The following APP variants were observed in gnomAD, a reference collection of about 807,000 sequenced individuals.
The protein encoded by APP is amyloid-beta precursor protein.
A neutral mutation model predicts 101.4 loss-of-function variants in APP; 31 were observed. The ratio of observed to expected loss-of-function variants is 0.31; its 90% confidence interval spans 0.23 to 0.41. The LOEUF (loss-of-function observed/expected upper bound fraction) is 0.41, where lower values mean the gene tolerates loss of function less well. APP is among the 10% of genes least tolerant of loss of function. APP has a pLI of 1.00. For synonymous variants in APP, 366 were observed against 364.4 expected (o/e 1.00, Z -0.05); for missense variants, 839 against 1,003.7 (o/e 0.84, Z 2.22).
chr21:26,077,068 A>T (rs1276540482), intron 3 of APP, among the ~76,000 whole-genome samples: 1 of 151,738 alleles, frequency 6.6e-6, no homozygotes, highest in African/African-American at 2.4e-5. Context: ...GTCTCAAAAA[A>T]AAAAAAAAAA....
At chr21:25,921,553 G>A (rs1370224914) in intron 13 of APP, among the ~76,000 whole-genome samples, 13 of 147,012 alleles carry the variant, frequency 8.8e-5, no homozygotes, top group East Asian at 6.1e-4. Flanking sequence ...TATCACCACC[G>A]ATCCCACAGA....
chr21:25,944,713 C>T (rs1254781985), intron 13 of APP, among the ~76,000 whole-genome samples: 1 of 152,000 alleles, frequency 6.6e-6, no homozygotes, highest in Non-Finnish European at 1.5e-5. Context: ...ATTTTTTTCC[C>T]CTCCTCTTTT....
chr21:26,043,840 C>T (rs1315565055), intron 5 of APP, among the ~76,000 whole-genome samples: 4 of 76 alleles, frequency 0.053, no homozygotes, highest in African/African-American at 0.12. Context: ...GGCTGATATT[C>T]TCACTTTATC....
intron 6 of APP, among the ~76,000 whole-genome samples, chr21:26,008,965 T>TC (rs370072704): frequency 1 from 152,316 of 152,318 alleles, 76,157 homozygotes; most frequent in Middle Eastern, 1. Context: ...CAAAATAGGA[T>TC]CATGGACCAG....
At chr21:25,901,522 T>TAGTC (rs1161734369) in intron 15 of APP, among the ~76,000 whole-genome samples, 4 of 152,208 alleles carry the variant, frequency 2.6e-5, no homozygotes, top group African/African-American at 9.6e-5. Flanking sequence ...TTAGCATGAA[T>TAGTC]AGTCATCTAG....
chr21:26,152,414 A>C (rs936636199), intron 1 of APP, among the ~76,000 whole-genome samples: 1 of 152,016 alleles, frequency 6.6e-6, no homozygotes. Context: ...AGTTTCCCTA[A>C]ACAGATTTAC....
chr21:26,032,414 A>G (rs2044870891), intron 5 of APP, among the ~76,000 whole-genome samples: 2 of 152,106 alleles, frequency 1.3e-5, no homozygotes, highest in South Asian at 4.1e-4. Context: ...GATCCTAGAG[A>G]GAAGGTCTAG....
chr21:26,074,522 G>A (rs62222436), intron 3 of APP, among the ~76,000 whole-genome samples: 2 of 152,302 alleles, frequency 1.3e-5, no homozygotes, highest in African/African-American at 2.4e-5. Context: ...AGGCCGAGGC[G>A]GGCAGATCTG....
At chr21:26,056,092 A>G (rs538822138) in intron 3 of APP, among the ~76,000 whole-genome samples, 1 of 152,214 alleles carries the variant, frequency 6.6e-6, no homozygotes, top group Non-Finnish European at 1.5e-5. Flanking sequence ...GCTGGAATGT[A>G]GTGGTTGGAT....
intron 17 of APP, among the ~76,000 whole-genome samples, chr21:25,884,815 C>T (rs1004117597): frequency 7.2e-5 from 11 of 152,220 alleles, no homozygotes; most frequent in African/African-American, 2.4e-4. Context: ...CCAGGAGGCA[C>T]ATCTACCATC....
chr21:25,935,941 T>A (rs6516714), intron 13 of APP, among the ~76,000 whole-genome samples: 1 of 151,878 alleles, frequency 6.6e-6, no homozygotes, highest in Admixed American at 6.6e-5. Flanking sequence ...AAGGCCGAGT[T>A]TAGGCTGCCA....
At chr21:26,118,423 C>A (rs1424021251) in intron 1 of APP, among the ~76,000 whole-genome samples, 1 of 152,158 alleles carries the variant, frequency 6.6e-6, no homozygotes, top group Non-Finnish European at 1.5e-5. Flanking sequence ...CTTTTAACTT[C>A]ATATATATAC....
chr21:25,931,102 T>C (rs1007652243), intron 13 of APP, among the ~76,000 whole-genome samples: 15 of 152,220 alleles, frequency 9.9e-5, no homozygotes, highest in Admixed American at 7.2e-4. Flanking sequence ...ACTTCATCAA[T>C]TTCTTTTCAC....
At chr21:26,048,825 TAAG>T (rs2045719811) in intron 5 of APP, among the ~76,000 whole-genome samples, 1 of 152,144 alleles carries the variant, frequency 6.6e-6, no homozygotes, top group East Asian at 1.9e-4. Flanking sequence ...TGACGGGTCA[TAAG>T]AAGTGGCACT....
At chr21:26,023,854 T>C (rs1216667748) in intron 5 of APP, among the ~76,000 whole-genome samples, 3 of 152,204 alleles carry the variant, frequency 2.0e-5, no homozygotes, top group Admixed American at 2.0e-4. Flanking sequence ...GGGGAAAATA[T>C]TCTGAGATCC....
At chr21:25,891,483 C>A (rs571004668) in intron 17 of APP, among the ~76,000 whole-genome samples, 5 of 151,990 alleles carry the variant, frequency 3.3e-5, no homozygotes, top group African/African-American at 1.2e-4. Flanking sequence ...TTGATAACTT[C>A]AACACAAATT....
chr21:26,152,871 T>C (rs2063306623), intron 1 of APP, among the ~76,000 whole-genome samples: 1 of 152,154 alleles, frequency 6.6e-6, no homozygotes, highest in African/African-American at 2.4e-5. Flanking sequence ...AATTCACAAA[T>C]GCAAAGATGC....
At position 26,137,404 on chromosome 21, in the gene APP, T is replaced by A. The variant is rs528814379; in HGVS notation, c.58-25258A>T. On this transcript the variant is annotated intron_variant, in intron 1 of 17. Transcript: ENST00000346798. ...ATGAAAAGGGTTACTGCCCTTTTTT[T>A]AAACCTAAGTAAAAACCCATACCCT... 5.9e-5 allele frequency among the ~76,000 whole-genome samples: 9 copies of A among 152,336 alleles called. No individual in the cohort carries two copies. In the South Asian group the frequency reaches 1.9e-3, roughly 32 times the overall value.
intron 2 of APP, among the ~76,000 whole-genome samples, chr21:26,094,483 C>T (rs1021807418): frequency 1.3e-5 from 2 of 151,566 alleles, no homozygotes; most frequent in Non-Finnish European, 2.9e-5. Context: ...CCAATATCAT[C>T]CCTAGGTTTT....
Sources: allele counts gnomAD v4.1 joint callset (sites outside exome capture counted in the v4.1 genomes callset), GRCh38; gene constraint gnomAD v4.1.1; transcripts MANE v1.5; gene names NCBI Gene and HGNC (gene_info 2026-07-23, HGNC 2026-07-21).